The following TPCN1 variants were observed in gnomAD, a reference collection of about 807,000 sequenced individuals.
TPCN1 encodes the protein two pore channel protein 1.
In TPCN1, 52 loss-of-function variants were observed where a neutral mutation model predicts 108.8. That is an observed-to-expected ratio of 0.48 (90% CI 0.38 to 0.60). The LOEUF is 0.60. Ranked by LOEUF, TPCN1 falls within the 20% of genes least tolerant of loss-of-function variation. The pLI is 0.00. For synonymous variants in TPCN1, 446 were observed against 433.7 expected, an observed-to-expected ratio of 1.03 and a Z score of -0.35; for missense variants, 806 against 1,072.8, an observed-to-expected ratio of 0.75 and a Z score of 3.47.
intron 2 of TPCN1, among the ~76,000 whole-genome samples, chr12:113,258,340 C>T (rs866615357): frequency 6.6e-5 from 10 of 152,096 alleles, no homozygotes; most frequent in African/African-American, 1.2e-4. Flanking sequence ...GTGTTAGGCA[C>T]CTGTAATCCC....
At chr12:113,276,422 C>G (rs752275852) in intron 10 of TPCN1, among the ~76,000 whole-genome samples, 1 of 152,138 alleles carries the variant, frequency 6.6e-6, no homozygotes, top group Non-Finnish European at 1.5e-5. Context: ...CTGGGCCACA[C>G]GTGAAGCAGT....
At chr12:113,291,108 G>A (rs769631923) in intron 23 of TPCN1, 110 bp downstream of exon 23, 2 of 1,084,762 alleles carry the variant, frequency 1.8e-6, no homozygotes, top group Non-Finnish European at 2.8e-6. Context: ...AGGGCTGGGG[G>A]TCTTGAGTCA....
At chr12:113,278,488 G>A (rs1298236524) in intron 13 of TPCN1, among the ~76,000 whole-genome samples, 1 of 152,216 alleles carries the variant, frequency 6.6e-6, no homozygotes, top group Non-Finnish European at 1.5e-5. Flanking sequence ...GACATCAGGC[G>A]GGTTACTGAG....
intron 2 of TPCN1, among the ~76,000 whole-genome samples, chr12:113,245,434 A>G (rs1278305618): frequency 5.5e-5 from 6 of 108,860 alleles, no homozygotes; most frequent in Non-Finnish European, 1.2e-4. Flanking sequence ...CGTCTCTACT[A>G]AAAAAAAATA....
At chr12:113,271,103 A>AC (rs1955481791) in intron 7 of TPCN1, among the ~76,000 whole-genome samples, 1 of 151,618 alleles carries the variant, frequency 6.6e-6, no homozygotes. Flanking sequence ...ACACACACAC[A>AC]AAAAAAATAT....
At chr12:113,244,630 C>T (rs1954278084) in intron 2 of TPCN1, 1 of 985,422 alleles carries the variant, frequency 1.0e-6, no homozygotes. Flanking sequence ...TTTTCCTCTC[C>T]TCTTTGAGCT....
At chr12:113,254,240 G>A (rs1166272297) in intron 2 of TPCN1, among the ~76,000 whole-genome samples, 5 of 152,134 alleles carry the variant, frequency 3.3e-5, no homozygotes, top group African/African-American at 9.7e-5. Context: ...CCTGGTGAAC[G>A]GTATACATTA....
intron 12 of TPCN1, among the ~76,000 whole-genome samples, chr12:113,277,890 G>A (rs576786230): frequency 3.3e-5 from 5 of 152,308 alleles, no homozygotes; most frequent in South Asian, 4.1e-4. Context: ...TGAAGTTTCC[G>A]TCCTCCTAAG....
intron 10 of TPCN1, among the ~76,000 whole-genome samples, chr12:113,275,065 G>A (rs996822311): frequency 1.4e-4 from 21 of 152,256 alleles, no homozygotes; most frequent in African/African-American, 4.6e-4. Context: ...CTGTTAGGCC[G>A]GTGCCCAGAC....
intron 14 of TPCN1, 49 bp downstream of exon 14, chr12:113,278,884 G>T: frequency 6.4e-7 from 1 of 1,551,318 alleles, no homozygotes; most frequent in African/African-American, 1.4e-5. Flanking sequence ...GGCCGATGGA[G>T]GTTTTCAGAG....
At chr12:113,271,608 T>G (rs1955504807) in intron 7 of TPCN1, among the ~76,000 whole-genome samples, 1 of 152,264 alleles carries the variant, frequency 6.6e-6, no homozygotes, top group Non-Finnish European at 1.5e-5. Context: ...TGTTGATACA[T>G]GTAGATGCTG....
In TPCN1 at chr12:113,272,777, T is replaced by G; in HGVS notation, c.783+85T>G. The G allele has an allele frequency of 1.5e-6, 2 of 1,359,050 alleles. No individual in the cohort carries two copies. Among genetic ancestry groups the G allele is most frequent in the Non-Finnish European group, 2.1e-6 (2 of 948,948 alleles). The allele number at this position is 1,359,050 out of a possible 1,614,324, so 84.2% of individuals were successfully genotyped here. A position where few individuals can be genotyped will look rare whatever the true frequency, so the allele number is the denominator to read the frequency against. ...GGTCACCGGCGTGACCCTGTGGCCA[T>G]ATGGGGAAGGGGGGGCCTGCCTGGT... On this transcript the variant is annotated intron_variant, in intron 8 of 27. Coordinates refer to ENST00000335509, the MANE Select transcript of TPCN1 (RefSeq NM_017901.6). The surrounding 1 kb of genome is among the most constrained non-coding windows in gnomAD (Gnocchi z 4.1).
chr12:113,281,938 A>G (rs1440328781), intron 15 of TPCN1, among the ~76,000 whole-genome samples: 1 of 139,822 alleles, frequency 7.2e-6, no homozygotes, highest in Non-Finnish European at 1.5e-5. Flanking sequence ...TTTTTGAGAC[A>G]GAGTCTCACT....
intron 2 of TPCN1, among the ~76,000 whole-genome samples, chr12:113,247,581 G>A (rs1418931749): frequency 1.3e-5 from 2 of 152,214 alleles, no homozygotes; most frequent in East Asian, 1.9e-4. Context: ...AGCACTCCAC[G>A]AGGTGGCCCA....
In TPCN1 at chr12:113,297,907, G is replaced by A. The variant is rs1446519960; in HGVS notation, c.*1831G>A. Reference sequence around the variant, plus strand: ...CAGGGGACAGCTTCTAAAGGTGTGAGTCTCTGACCTGAGCATCTGGGCCTC... The same window carrying A: ...CAGGGGACAGCTTCTAAAGGTGTGAATCTCTGACCTGAGCATCTGGGCCTC... On this transcript the variant is annotated 3_prime_UTR_variant, in exon 28 of 28. Transcript: ENST00000335509. This position sits in a 1 kb window ranked among gnomAD's most constrained non-coding sequence, Gnocchi z 4.4. 6.6e-6 allele frequency: 1 copy of A among 152,312 alleles called. No individual in the cohort carries two copies. The highest frequency in any genetic ancestry group is 1.9e-4 in the East Asian group (1 of 5,194). 9.4% of individuals were successfully genotyped at this position (152,312 alleles called of 1,614,324 possible).
intron 10 of TPCN1, among the ~76,000 whole-genome samples, chr12:113,276,124 G>A (rs962012727): frequency 2.0e-5 from 3 of 152,138 alleles, no homozygotes; most frequent in Admixed American, 6.6e-5. Flanking sequence ...GTTAGTAGTC[G>A]CAGCAGAGAT....
At chr12:113,253,134 G>A (rs1954711065) in intron 2 of TPCN1, among the ~76,000 whole-genome samples, 1 of 152,186 alleles carries the variant, frequency 6.6e-6, no homozygotes, top group Non-Finnish European at 1.5e-5. Flanking sequence ...AGGTTACTTA[G>A]CTTCTCTGCA....
intron 1 of TPCN1, chr12:113,225,427 T>G: frequency 6.3e-6 from 2 of 317,662 alleles, no homozygotes; most frequent in South Asian, 4.9e-5. Flanking sequence ...TAGGACATAT[T>G]GGCCCTAATG....
chr12:113,244,502 T>G (rs1244739873), intron 2 of TPCN1: 5 of 985,338 alleles, frequency 5.1e-6, no homozygotes, highest in South Asian at 9.4e-5. Flanking sequence ...CATTTTGCTT[T>G]CTTTCGGCGT....
Sources: gnomAD v4.1 joint callset for allele counts (sites outside exome capture counted in the v4.1 genomes callset) on GRCh38, gnomAD v4.1.1 for gene constraint, Gnocchi (gnomAD v3.1) non-coding constraint, MANE v1.5 for transcripts, NCBI Gene and HGNC (gene_info 2026-07-23, HGNC 2026-07-21) for gene names.